Variants in RNF220 observed in about 807,000 individuals in gnomAD.
RNF220 encodes the protein ring finger protein 220, also known as E3 ubiquitin-protein ligase RNF220.
A neutral mutation model predicts 67.1 loss-of-function variants in RNF220; 7 were observed. The ratio of observed to expected loss-of-function variants is 0.10; its 90% confidence interval spans 0.06 to 0.20. The LOEUF is 0.20. RNF220 is among the 10% of genes least tolerant of loss of function. The pLI is 1.00. For missense variants in RNF220, 565 were observed against 740.3 expected (o/e 0.76, Z 2.75); for synonymous variants, 270 against 283.2 (o/e 0.95, Z 0.47).
At chr1:44,590,703 G>C (rs79407044) in intron 2 of RNF220, among the ~76,000 whole-genome samples, 2 of 152,128 alleles carry the variant, frequency 1.3e-5, no homozygotes, top group Non-Finnish European at 2.9e-5. Context: ...AATAGGAAGC[G>C]GGGGGGCCAG....
At position 44,650,647 on chromosome 1, in the gene RNF220, C is replaced by T; in HGVS notation, c.1630-57C>T. ...AGACATGGCTGCAGGCCCAGGTGCT[C>T]ACATGCGCACACATGGCTCATTGTG... On this transcript the variant is annotated intron_variant, in intron 14 of 14. Coordinates refer to ENST00000361799, the MANE Select transcript of RNF220 (RefSeq NM_018150.4). The surrounding 1 kb of genome is among the most constrained non-coding windows in gnomAD (Gnocchi z 4.3). The T allele has an allele frequency of 6.4e-7, 1 of 1,573,752 alleles. No individual in the cohort carries two copies. The highest frequency in any genetic ancestry group is 8.7e-7 in the Non-Finnish European group (1 of 1,144,142).
intron 2 of RNF220, among the ~76,000 whole-genome samples, chr1:44,528,922 C>G (rs140828801): frequency 1.5e-3 from 225 of 152,174 alleles, no homozygotes; most frequent in Admixed American, 2.9e-3. Context: ...CCAGAATTGG[C>G]AACTTTTAAA....
chr1:44,405,934 C>T (rs955073237), intron 1 of RNF220, among the ~76,000 whole-genome samples: 20 of 152,204 alleles, frequency 1.3e-4, no homozygotes, highest in Non-Finnish European at 1.8e-4. Flanking sequence ...CCACTTTGTT[C>T]GGGTCGATAT....
intron 2 of RNF220, among the ~76,000 whole-genome samples, chr1:44,521,455 A>G (rs1340434281): frequency 6.6e-6 from 1 of 152,192 alleles, no homozygotes; most frequent in East Asian, 1.9e-4. Flanking sequence ...ATAGAGTCCA[A>G]TGGAGACCTC....
chr1:44,650,907 C>G lies in RNF220; in HGVS notation c.*132C>G, dbSNP rs547259095. 31 of 756,196 alleles carry G rather than the reference C, an allele frequency of 4.1e-5. No homozygotes were observed. Among genetic ancestry groups the G allele is most frequent in the Middle Eastern group, 2.3e-4 (1 of 4,434 alleles). 46.8% of individuals were successfully genotyped at this position (756,196 alleles called of 1,614,324 possible). Reference sequence around the variant, plus strand: ...ACATACATGCACATACTCAAACATGCGTACACACACACACATTTACACACG... The same window carrying G: ...ACATACATGCACATACTCAAACATGGGTACACACACACACATTTACACACG... On this transcript the variant is annotated 3_prime_UTR_variant, in exon 15 of 15. Coordinates refer to ENST00000361799, the MANE Select transcript of RNF220 (RefSeq NM_018150.4). This position sits in a 1 kb window ranked among gnomAD's most constrained non-coding sequence, Gnocchi z 4.3.
At chr1:44,413,049 G>A (rs1414527185) in intron 2 of RNF220, among the ~76,000 whole-genome samples, 4 of 152,086 alleles carry the variant, frequency 2.6e-5, no homozygotes, top group Non-Finnish European at 5.9e-5. Flanking sequence ...AAGAAGTGTC[G>A]GCTCCTAGGG....
chr1:44,508,911 T>C (rs571752852), intron 2 of RNF220, among the ~76,000 whole-genome samples: 2 of 152,252 alleles, frequency 1.3e-5, no homozygotes, highest in South Asian at 2.1e-4. Flanking sequence ...TTTTTTATGA[T>C]GAAGAAACTG....
chr1:44,536,313 A>G (rs1661218633), intron 2 of RNF220, among the ~76,000 whole-genome samples: 1 of 152,252 alleles, frequency 6.6e-6, no homozygotes, highest in South Asian at 2.1e-4. Flanking sequence ...TGCCTTCACT[A>G]GAGCTCATTC....
intron 2 of RNF220, among the ~76,000 whole-genome samples, chr1:44,578,712 C>A (rs6680082): frequency 0.023 from 3,566 of 152,260 alleles, 132 homozygotes; most frequent in African/African-American, 0.081. Context: ...CTCCCACAGA[C>A]CACAGACCCT....
At chr1:44,538,289 A>G (rs1366039097) in intron 2 of RNF220, among the ~76,000 whole-genome samples, 3 of 152,010 alleles carry the variant, frequency 2.0e-5, no homozygotes, top group East Asian at 3.9e-4. Flanking sequence ...CTCTCTTGTC[A>G]TGTCTTTTCC....
chr1:44,433,154 T>C (rs1650590102), intron 2 of RNF220, among the ~76,000 whole-genome samples: 1 of 152,174 alleles, frequency 6.6e-6, no homozygotes, highest in Non-Finnish European at 1.5e-5. Context: ...GGTCTCGAAC[T>C]CTTGACCTCA....
At chr1:44,643,794 T>C (rs1414776983) in intron 8 of RNF220, 1 of 152,338 alleles carries the variant, frequency 6.6e-6, no homozygotes, top group Non-Finnish European at 1.5e-5. Flanking sequence ...TAGGAGGAAG[T>C]GGGGAGCTGG....
chr1:44,539,185 C>T (rs561922019), intron 2 of RNF220, among the ~76,000 whole-genome samples: 4 of 152,096 alleles, frequency 2.6e-5, no homozygotes, highest in Non-Finnish European at 5.9e-5. Context: ...CGCACCACTG[C>T]ACTCTAGCCT....
chr1:44,578,080 G>A (rs934359419), intron 2 of RNF220, among the ~76,000 whole-genome samples: 2 of 150,166 alleles, frequency 1.3e-5, no homozygotes, highest in African/African-American at 4.9e-5. Context: ...TGGCTCAGAT[G>A]ATGGGTAGAA....
At chr1:44,495,415 A>AGAT (rs2148065717) in intron 2 of RNF220, among the ~76,000 whole-genome samples, 1 of 152,360 alleles carries the variant, frequency 6.6e-6, no homozygotes, top group African/African-American at 2.4e-5. Context: ...TTCAAAGAAT[A>AGAT]GATAGTGTAA....
rs1667542730 is a variant in RNF220, at chr1:44,609,880, C to CT, written c.626-4283dup. Among the ~76,000 whole-genome samples, 3 of 152,358 alleles carry CT rather than the reference C, an allele frequency of 2.0e-5. No homozygotes were observed. The South Asian group carries it at 6.2e-4, about 32-fold the overall frequency. ...AAGGGACTCTCTGGAGGTCATACAA[C>CT]TTAGGGAGCCTCCAGGCTGGGACCT... On this transcript the variant is annotated intron_variant, in intron 2 of 14. Coordinates refer to ENST00000361799, the MANE Select transcript of RNF220 (RefSeq NM_018150.4).
rs534599819 is a variant in RNF220 at position 44,410,114 on chromosome 1, T to C, written c.-117-1867T>C. ...AAACTCATTTAAGATAATGAGGTGA[T>C]CTAGGAAGTAAAAATAGCAAGTGAA... On this transcript the variant is annotated intron_variant, in intron 1 of 14. Transcript: ENST00000361799. Among the ~76,000 whole-genome samples, 231 of 151,948 alleles carry C rather than the reference T, an allele frequency of 1.5e-3. 1 individual carries two copies. Among genetic ancestry groups the C allele is most frequent in the Non-Finnish European group, 2.9e-3 (194 of 67,924 alleles).
chr1:44,520,130 A>T (rs111671325), intron 2 of RNF220, among the ~76,000 whole-genome samples: 13,915 of 76,312 alleles, frequency 0.18, 439 homozygotes, highest in Admixed American at 0.25. Flanking sequence ...TGTGTGTGTG[A>T]GAGAGAGAGA....
In RNF220 at chr1:44,529,934, C is replaced by T. The variant is rs567575034; in HGVS notation, c.626-84231C>T. On this transcript the variant is annotated intron_variant, in intron 2 of 14. Coordinates refer to ENST00000361799, the MANE Select transcript of RNF220 (RefSeq NM_018150.4). ...CAGGGCATGGTGGTGGGCGCCTCTA[C>T]TCCCAGCTATTTGGGAGGCTGAGGC... 1.8e-3 allele frequency among the ~76,000 whole-genome samples: 277 copies of T among 152,024 alleles called. 10 individuals carry two copies. The South Asian group carries it at 0.057, about 31-fold the overall frequency.
Sources: allele counts gnomAD v4.1 joint callset (sites outside exome capture counted in the v4.1 genomes callset), GRCh38; gene constraint gnomAD v4.1.1; non-coding constraint Gnocchi (gnomAD v3.1); transcripts MANE v1.5; gene names NCBI Gene and HGNC (gene_info 2026-07-23, HGNC 2026-07-21).